The following QRSL1 variants were observed in gnomAD, a reference collection of about 807,000 sequenced individuals.
QRSL1 encodes glutamyl-tRNA(Gln) amidotransferase subunit A, mitochondrial.
QRSL1 carries 54 observed loss-of-function variants against 61.6 expected under a neutral mutation model. That is an observed-to-expected ratio of 0.88 (90% CI 0.70 to 1.10). The LOEUF is 1.10. Among genes scored for constraint, QRSL1 ranks in the 50% least tolerant of loss-of-function variants. The pLI is 0.00. For synonymous variants in QRSL1, 228 were observed against 225.7 expected (o/e 1.01, Z -0.09); for missense variants, 505 against 622.6 (o/e 0.81, Z 2.01).
chr6:106,656,440 C>T (rs1777272307), intron 9 of QRSL1, among the ~76,000 whole-genome samples: 1 of 152,240 alleles, frequency 6.6e-6, no homozygotes, highest in South Asian at 2.1e-4. Context: ...TTCAGAATGA[C>T]TATGACTCCT....
chr6:106,652,684 C>A, intron 7 of QRSL1, 102 bp downstream of exon 7: 1 of 1,568,452 alleles, frequency 6.4e-7, no homozygotes, highest in African/African-American at 1.4e-5. Context: ...TGCTCTGCCA[C>A]TTTTATTAAT....
intron 1 of QRSL1, among the ~76,000 whole-genome samples, chr6:106,639,137 T>TG (rs1776975480): frequency 4.9e-5 from 7 of 143,630 alleles, no homozygotes; most frequent in East Asian, 4.2e-4. Context: ...TTTTTTTTTT[T>TG]TTTTTTTTTG....
At chr6:106,631,167 A>G (rs1196289287) in intron 1 of QRSL1, among the ~76,000 whole-genome samples, 1 of 152,196 alleles carries the variant, frequency 6.6e-6, no homozygotes, top group Admixed American at 6.5e-5. Flanking sequence ...CGGAGCTTGC[A>G]GTGAGCCAAG....
At chr6:106,661,017 C>T (rs1777347433) in intron 9 of QRSL1, among the ~76,000 whole-genome samples, 2 of 152,176 alleles carry the variant, frequency 1.3e-5, no homozygotes, top group African/African-American at 4.8e-5. Context: ...GGGTAAATCC[C>T]ATCTCCATTA....
chr6:106,661,734 C>T (rs1214159216), intron 9 of QRSL1, among the ~76,000 whole-genome samples: 6 of 95,322 alleles, frequency 6.3e-5, no homozygotes, highest in East Asian at 7.3e-4. Context: ...GACGGAGTTC[C>T]GCTCTTGTTT....
chr6:106,643,653 C>A (rs1373566179), intron 4 of QRSL1, among the ~76,000 whole-genome samples: 2 of 150,496 alleles, frequency 1.3e-5, no homozygotes, highest in African/African-American at 4.9e-5. Context: ...GCACTCCAGC[C>A]TGGGCTACAA....
At chr6:106,643,421 TG>T (rs1463581057) in intron 4 of QRSL1, among the ~76,000 whole-genome samples, 1 of 152,222 alleles carries the variant, frequency 6.6e-6, no homozygotes, top group East Asian at 1.9e-4. Flanking sequence ...GGCTCATGAC[TG>T]TAATCGCAGC....
At chr6:106,643,264 A>G (rs1178476366) in intron 4 of QRSL1, among the ~76,000 whole-genome samples, 174 bp downstream of exon 4, 1 of 152,134 alleles carries the variant, frequency 6.6e-6, no homozygotes, top group African/African-American at 2.4e-5. Flanking sequence ...TTTGGCTTGT[A>G]TTTCCCTGAT....
chr6:106,662,002 C>T (rs992478415), intron 9 of QRSL1, among the ~76,000 whole-genome samples: 1 of 152,116 alleles, frequency 6.6e-6, no homozygotes, highest in African/African-American at 2.4e-5. Flanking sequence ...TGAGCCACTG[C>T]GCCCGGCCTA....
At position 106,640,899 on chromosome 6, in the gene QRSL1, A is replaced by G; in HGVS notation, c.261A>G (p.Thr87=). 2 of 1,613,434 alleles carry G rather than the reference A, an allele frequency of 1.2e-6. No homozygotes were observed. The highest frequency in any genetic ancestry group is 1.7e-6 in the Non-Finnish European group (2 of 1,179,530). ...DNFSTSGIET[T]CASNMLKGYI... is the part of the protein sequence containing the mutation. Reference sequence around the variant, plus strand: ...TCAGCACTTCTGGCATTGAGACAACATGTGCATCAAATATGCTGAAAGGTA... The same window carrying G: ...TCAGCACTTCTGGCATTGAGACAACGTGTGCATCAAATATGCTGAAAGGTA... The change falls in exon 3 of 11, where the codon ACA becomes ACG. Residue 87 remains threonine (T), a synonymous_variant. Transcript: ENST00000369046.
chr6:106,647,208 C>G (rs1053045930), intron 4 of QRSL1, among the ~76,000 whole-genome samples: 5 of 151,876 alleles, frequency 3.3e-5, no homozygotes, highest in African/African-American at 1.2e-4. Context: ...TTTCACACCT[C>G]AATAAGAAAA....
intron 4 of QRSL1, 117 bp downstream of exon 4, chr6:106,643,207 A>G (rs1313223681): frequency 1.4e-6 from 1 of 715,268 alleles, no homozygotes. Context: ...CCTCTGTGAG[A>G]TTATGTTATG....
intron 4 of QRSL1, among the ~76,000 whole-genome samples, chr6:106,643,444 C>A (rs1777054079): frequency 6.6e-6 from 1 of 152,108 alleles, no homozygotes; most frequent in Admixed American, 6.6e-5. Flanking sequence ...CTTTGGGAGT[C>A]CGAGGCAGGT....
At chr6:106,654,134 G>A (rs534000683) in intron 7 of QRSL1, among the ~76,000 whole-genome samples, 1 of 152,052 alleles carries the variant, frequency 6.6e-6, no homozygotes, top group South Asian at 2.1e-4. Context: ...GGCAGATCAC[G>A]AGGTCAGGAG....
At chr6:106,660,339 G>T (rs916011965) in intron 9 of QRSL1, among the ~76,000 whole-genome samples, 3 of 100,304 alleles carry the variant, frequency 3.0e-5, no homozygotes, top group Admixed American at 2.3e-4. Context: ...CACCCCCCCC[G>T]TGAAGCTAGG....
chr6:106,631,820 G>T (rs932493394), intron 1 of QRSL1, among the ~76,000 whole-genome samples: 1 of 152,158 alleles, frequency 6.6e-6, no homozygotes, highest in African/African-American at 2.4e-5. Context: ...AAACGTTCCA[G>T]TTATACTCTT....
chr6:106,652,445 T>A (rs1369496576), intron 6 of QRSL1, 22 bp from the exon 7 acceptor site: 1 of 1,613,644 alleles, frequency 6.2e-7, no homozygotes, highest in South Asian at 1.1e-5. Flanking sequence ...TATCTGTCAT[T>A]CATAAGTATT....
At chr6:106,663,740 A>T (rs1338670638) in intron 10 of QRSL1, among the ~76,000 whole-genome samples, 1 of 152,138 alleles carries the variant, frequency 6.6e-6, no homozygotes, top group Non-Finnish European at 1.5e-5. Context: ...GACAGATCCA[A>T]ACCATATCCG....
chr6:106,639,116 GTTGTTTTTT>G (rs1776969917), intron 1 of QRSL1, among the ~76,000 whole-genome samples: 2 of 54,356 alleles, frequency 3.7e-5, no homozygotes. Flanking sequence ...TGTGTGTTTT[GTTGTTTTTT>G]TTTTTTTTTT....
Sources: gnomAD v4.1 joint callset for allele counts (sites outside exome capture counted in the v4.1 genomes callset) on GRCh38, gnomAD v4.1.1 for gene constraint, MANE v1.5 for transcripts, NCBI Gene and HGNC (gene_info 2026-07-23, HGNC 2026-07-21) for gene names.